The following GNG4 variants were observed in gnomAD, a reference collection of about 807,000 sequenced individuals.
The protein encoded by GNG4 is guanine nucleotide-binding protein G(I)/G(S)/G(O) subunit gamma-4.
A neutral mutation model predicts 5.8 loss-of-function variants in GNG4; 4 were observed. The observed-to-expected ratio is 0.69, with a 90% CI of 0.34 to 1.57. The LOEUF is 1.57. GNG4 is among the 40% of genes most tolerant of loss of function. GNG4 has a pLI of 0.06. For missense variants in GNG4, 96 were observed against 95.1 expected, an observed-to-expected ratio of 1.01 and a Z score of -0.04; for synonymous variants, 29 against 32.9, an observed-to-expected ratio of 0.88 and a Z score of 0.41.
chr1:235,631,546 C>T (rs192064566), intron 1 of GNG4, among the ~76,000 whole-genome samples: 11 of 150,998 alleles, frequency 7.3e-5, no homozygotes, highest in Non-Finnish European at 1.0e-4. Flanking sequence ...GCATGCCCAG[C>T]GTAGCTTACT....
intron 1 of GNG4, chr1:235,615,438 T>C (rs1191296177): frequency 4.5e-5 from 7 of 155,080 alleles, no homozygotes; most frequent in African/African-American, 1.7e-4. Context: ...GTGACTGTCA[T>C]CTCCCTCTGC....
Position 235,619,209 on chromosome 1 carries a change from A to G in GNG4, c.-122-23698T>C, listed in dbSNP as rs1368014615. 6.7e-5 allele frequency among the ~76,000 whole-genome samples: 10 copies of G among 148,824 alleles called. No homozygotes were observed. In the East Asian group the frequency reaches 1.6e-3, roughly 23 times the overall value. On this transcript the variant is annotated intron_variant, in intron 1 of 3. Coordinates refer to ENST00000391854, the MANE Select transcript of GNG4 (RefSeq NM_001098722.2). Reference sequence around the variant, plus strand: ...CATATATATACACACACACATATATATATATACACACACACATATATATAT... The same window carrying G: ...CATATATATACACACACACATATATGTATATACACACACACATATATATAT...
chr1:235,582,246 T>G (rs1317470404), intron 3 of GNG4, among the ~76,000 whole-genome samples: 2 of 152,224 alleles, frequency 1.3e-5, no homozygotes, highest in African/African-American at 4.8e-5. Context: ...TTGGTTCACC[T>G]CACACACCTG....
At chr1:235,617,613 G>A (rs944312451) in intron 1 of GNG4, among the ~76,000 whole-genome samples, 3 of 152,164 alleles carry the variant, frequency 2.0e-5, no homozygotes, top group East Asian at 1.9e-4. Context: ...GGCTGGGTGC[G>A]GTGGCTCACG....
At chr1:235,584,235 C>G (rs541533157) in intron 2 of GNG4, among the ~76,000 whole-genome samples, 2 of 152,218 alleles carry the variant, frequency 1.3e-5, no homozygotes, top group South Asian at 4.1e-4. Flanking sequence ...CTCTAGCAGC[C>G]CATACAGTTG....
chr1:235,567,288 T>C (rs1484097736), intron 3 of GNG4, among the ~76,000 whole-genome samples: 1 of 152,184 alleles, frequency 6.6e-6, no homozygotes, highest in Non-Finnish European at 1.5e-5. Flanking sequence ...TGTGTACATA[T>C]ATACACATAT....
intron 1 of GNG4, among the ~76,000 whole-genome samples, chr1:235,647,916 G>C (rs773833650): frequency 6.6e-6 from 1 of 152,158 alleles, no homozygotes; most frequent in Non-Finnish European, 1.5e-5. Flanking sequence ...GATTACAGGC[G>C]ATGTTCCCAC....
At position 235,649,743 on chromosome 1, in the gene GNG4, C is replaced by G. The variant is rs1191986661; in HGVS notation, c.-204G>C. The G allele has an allele frequency of 1.3e-5, 2 of 151,180 alleles. No individual in the cohort carries two copies. The highest frequency in any genetic ancestry group is 4.8e-5 in the African/African-American group (2 of 41,340). 9.4% of individuals were successfully genotyped at this position (151,180 alleles called of 1,614,324 possible). A position where few individuals can be genotyped will look rare whatever the true frequency, so the allele number is the denominator to read the frequency against. Reference sequence around the variant, plus strand: ...CAGGCCGAGCGGCATCGCTCCGCATCGGGGCGCGGGCCGGGCTCGGGTGCA... The same window carrying G: ...CAGGCCGAGCGGCATCGCTCCGCATGGGGGCGCGGGCCGGGCTCGGGTGCA... On this transcript the variant is annotated 5_prime_UTR_variant, in exon 1 of 4. Transcript: ENST00000391854. This position sits in a 1 kb window ranked among gnomAD's most constrained non-coding sequence, Gnocchi z 5.7.
chr1:235,612,915 G>A (rs1448698357), intron 1 of GNG4, among the ~76,000 whole-genome samples: 1 of 152,024 alleles, frequency 6.6e-6, no homozygotes, highest in African/African-American at 2.4e-5. Context: ...TTGTGACAAG[G>A]GCCCTTTTCT....
At chr1:235,574,492 C>T (rs1687427309) in intron 3 of GNG4, among the ~76,000 whole-genome samples, 3 of 152,174 alleles carry the variant, frequency 2.0e-5, no homozygotes, top group Admixed American at 2.0e-4. Flanking sequence ...TCACTTCAAC[C>T]CACCAGATGT....
chr1:235,638,362 C>T (rs531924305), intron 1 of GNG4, among the ~76,000 whole-genome samples: 3 of 152,178 alleles, frequency 2.0e-5, no homozygotes, highest in East Asian at 1.9e-4. Context: ...AAATGGGTCT[C>T]GATGGACTAA....
At position 235,639,112 on chromosome 1, in the gene GNG4, T is replaced by C. The variant is rs116462787; in HGVS notation, c.-123+10550A>G. Among the ~76,000 whole-genome samples, 200 of 152,304 alleles carry C rather than the reference T, an allele frequency of 1.3e-3. 1 individual carries two copies. The highest frequency in any genetic ancestry group is 3.1e-3 in the Admixed American group (48 of 15,296). ...GCCTATCTTCCTCTTATGAGAACCTTTGTGACGACACTGGGCCTGCCAGGT... is the reference window on the plus strand; with the variant it reads ...GCCTATCTTCCTCTTATGAGAACCTCTGTGACGACACTGGGCCTGCCAGGT... On this transcript the variant is annotated intron_variant, in intron 1 of 3. Transcript: ENST00000391854.
intron 3 of GNG4, among the ~76,000 whole-genome samples, chr1:235,563,622 TG>T (rs1331747151): frequency 2.0e-5 from 3 of 152,134 alleles, no homozygotes; most frequent in African/African-American, 4.8e-5. Context: ...AGTCCTCGTG[TG>T]GGGAAACAAT....
rs1686728134 is a variant in GNG4, at chr1:235,550,922, C to T, written c.*1187G>A. ...GGGGGCACATAGGGGACTGCTGTCA[C>T]CATGCCTCACTCCTGCAGGGAAGGG... On this transcript the variant is annotated 3_prime_UTR_variant, in exon 4 of 4. Transcript: ENST00000391854. The T allele has an allele frequency of 6.6e-6, 1 of 152,396 alleles. No homozygotes were observed. The highest frequency in any genetic ancestry group is 2.4e-5 in the African/African-American group (1 of 41,442). The allele number at this position is 152,396 out of a possible 1,614,324, so 9.4% of individuals were successfully genotyped here. A position where few individuals can be genotyped will look rare whatever the true frequency, so the allele number is the denominator to read the frequency against.
At chr1:235,553,557 T>C (rs1686812825) in intron 3 of GNG4, among the ~76,000 whole-genome samples, 1 of 152,216 alleles carries the variant, frequency 6.6e-6, no homozygotes, top group African/African-American at 2.4e-5. Context: ...AATTGGCTCA[T>C]CTTTCAGCAT....
chr1:235,610,559 C>T (rs1229249095), intron 1 of GNG4, among the ~76,000 whole-genome samples: 2 of 152,204 alleles, frequency 1.3e-5, no homozygotes, highest in Non-Finnish European at 2.9e-5. Context: ...CAATTCATTA[C>T]TATCAGTATT....
At chr1:235,616,282 G>A in intron 1 of GNG4, 1 of 462,704 alleles carries the variant, frequency 2.2e-6, no homozygotes, top group Non-Finnish European at 4.3e-6. Flanking sequence ...TCTGCCAAGA[G>A]GATGGGAGGA....
chr1:235,643,419 C>T (rs1657396329), intron 1 of GNG4, among the ~76,000 whole-genome samples: 1 of 152,220 alleles, frequency 6.6e-6, no homozygotes, highest in Non-Finnish European at 1.5e-5. Flanking sequence ...CCTGTCTGTG[C>T]ACTAATCCAG....
At position 235,648,358 on chromosome 1, in the gene GNG4, G is replaced by A. The variant is rs146374705; in HGVS notation, c.-123+1304C>T. Among the ~76,000 whole-genome samples, 725 of 152,316 alleles carry A rather than the reference G, an allele frequency of 4.8e-3. 4 individuals carry two copies. The highest frequency in any genetic ancestry group is 0.016 in the African/African-American group (671 of 41,568). On this transcript the variant is annotated intron_variant, in intron 1 of 3. Transcript: ENST00000391854. The surrounding 1 kb of genome is among the most constrained non-coding windows in gnomAD (Gnocchi z 5.0). ...ATCTCTTATCATGACCGGTCACTGA[G>A]CAAACCCTACATTTCAAAAACAATC...
Sources: gnomAD v4.1 joint callset for allele counts (sites outside exome capture counted in the v4.1 genomes callset) on GRCh38, gnomAD v4.1.1 for gene constraint, Gnocchi (gnomAD v3.1) non-coding constraint, MANE v1.5 for transcripts, NCBI Gene and HGNC (gene_info 2026-07-23, HGNC 2026-07-21) for gene names.